Variants in DLGAP2 observed in about 807,000 individuals in gnomAD.
DLGAP2 encodes DLG associated protein 2.
In DLGAP2, 26 loss-of-function variants were observed where a neutral mutation model predicts 100.3. The ratio of observed to expected loss-of-function variants is 0.26; its 90% CI spans 0.19 to 0.36. The LOEUF (loss-of-function observed/expected upper bound fraction) is 0.36, where lower values mean the gene tolerates loss of function less well. Ranked by LOEUF, DLGAP2 falls within the 10% of genes least tolerant of loss-of-function variation. The pLI is 1.00. For synonymous variants in DLGAP2, 886 were observed against 630.1 expected (o/e 1.41, Z -6.08); for missense variants, 1,858 against 1,453.2 (o/e 1.28, Z -4.53).
intron 1 of DLGAP2, among the ~76,000 whole-genome samples, chr8:855,984 C>T (rs1435371021): frequency 6.6e-6 from 1 of 152,100 alleles, no homozygotes; most frequent in Admixed American, 6.5e-5. Context: ...CCGCAGAGAT[C>T]AGAAATGAGG....
intron 3 of DLGAP2, among the ~76,000 whole-genome samples, chr8:1,344,209 G>GTAAGTCCGTGTACTCGGGGCCCTGTCA (rs1563095232): frequency 6.7e-6 from 1 of 148,278 alleles, no homozygotes; most frequent in Admixed American, 6.8e-5. Flanking sequence ...GGGCCCTGTC[G>GTAAGTCCGTGTACTCGGGGCCCTGTCA]TGGGGCCTGT....
At chr8:1,176,108 C>T (rs1352117696) in intron 2 of DLGAP2, among the ~76,000 whole-genome samples, 1 of 152,196 alleles carries the variant, frequency 6.6e-6, no homozygotes, top group Non-Finnish European at 1.5e-5. Context: ...GTTTAACTGA[C>T]TCACAGTTCC....
chr8:1,359,537 G>A lies in DLGAP2; in HGVS notation c.106+100654G>A, dbSNP rs536287024. On this transcript the variant is annotated intron_variant, in intron 3 of 14. Transcript: ENST00000637795. ...GCAAGCTGGTTCGTGGGGACCACCC[G>A]AAGGCCTGGAGGGATTTGGGCTGAA... is the stretch of plus-strand genomic sequence containing the variant. 3.1e-4 allele frequency among the ~76,000 whole-genome samples: 47 copies of A among 152,378 alleles called. No individual in the cohort carries two copies. The South Asian group carries it at 8.7e-3, about 28-fold the overall frequency.
In DLGAP2 at chr8:1,127,244, T is replaced by C. The variant is rs911807706; in HGVS notation, c.74-131607T>C. On this transcript the variant is annotated intron_variant, in intron 2 of 14. Coordinates refer to ENST00000637795, the MANE Select transcript of DLGAP2 (RefSeq NM_001346810.2). ...TTGCTGTGGCCACACTTTGAGGAAT[T>C]GAAGATTTTTGTAGCTGGGCTCATT... Among the ~76,000 whole-genome samples, 14 of 151,604 alleles carry C rather than the reference T, an allele frequency of 9.2e-5. No individual in the cohort carries two copies. The Middle Eastern group carries it at 0.01, about 110-fold the overall frequency.
chr8:1,445,163 G>T (rs941947054), intron 3 of DLGAP2, among the ~76,000 whole-genome samples: 1 of 148,148 alleles, frequency 6.8e-6, no homozygotes, highest in Non-Finnish European at 1.5e-5. Flanking sequence ...ATGTATACAT[G>T]TGCCATGCTG....
chr8:1,566,874 C>G (rs1047116691), intron 6 of DLGAP2, among the ~76,000 whole-genome samples: 4 of 152,236 alleles, frequency 2.6e-5, no homozygotes, highest in Non-Finnish European at 5.9e-5. Flanking sequence ...AATCCGAACT[C>G]TATCATTGTT....
At chr8:745,047 C>T (rs979004423) in intron 1 of DLGAP2, among the ~76,000 whole-genome samples, 10 of 152,222 alleles carry the variant, frequency 6.6e-5, no homozygotes, top group African/African-American at 1.7e-4. Context: ...GTTGCATGAA[C>T]TCGTAAATAC....
intron 1 of DLGAP2, among the ~76,000 whole-genome samples, chr8:838,100 C>T (rs1033900996): frequency 1.3e-5 from 2 of 151,130 alleles, no homozygotes; most frequent in East Asian, 2.0e-4. Flanking sequence ...GTAGTGTGGA[C>T]GATGGTGGAA....
chr8:843,331 C>T (rs1224241781), intron 1 of DLGAP2, among the ~76,000 whole-genome samples: 1 of 152,244 alleles, frequency 6.6e-6, no homozygotes, highest in Non-Finnish European at 1.5e-5. Context: ...GTCCTATTAT[C>T]ATCTCAGGGT....
At chr8:799,397 T>G (rs1796101787) in intron 1 of DLGAP2, among the ~76,000 whole-genome samples, 1 of 151,822 alleles carries the variant, frequency 6.6e-6, no homozygotes, top group Non-Finnish European at 1.5e-5. Flanking sequence ...GGTGCCTGGG[T>G]GGGAGGTGGC....
intron 8 of DLGAP2, among the ~76,000 whole-genome samples, chr8:1,645,269 T>A (rs1002917420): frequency 6.6e-6 from 1 of 152,242 alleles, no homozygotes; most frequent in Non-Finnish European, 1.5e-5. Flanking sequence ...ATACTCTGAG[T>A]GCCCACACAA....
chr8:1,346,326 G>T (rs536894085), intron 3 of DLGAP2, among the ~76,000 whole-genome samples: 3 of 150,084 alleles, frequency 2.0e-5, no homozygotes, highest in African/African-American at 4.9e-5. Flanking sequence ...TGGAGGTTGC[G>T]TTCCCATACA....
chr8:750,049 C>A lies in DLGAP2; in HGVS notation c.18+12224C>A, dbSNP rs75816013. On this transcript the variant is annotated intron_variant, in intron 1 of 14. Coordinates refer to ENST00000637795, the MANE Select transcript of DLGAP2 (RefSeq NM_001346810.2). ...GCCCACTCAGAAAGCCCCGGGTTAT[C>A]CCCTCATCAAAGAGCCTTAGTTCAT... Among the ~76,000 whole-genome samples the A allele has an allele frequency of 5.7e-3, 867 of 152,372 alleles. 8 individuals are homozygous for A. Among genetic ancestry groups the A allele is most frequent in the African/African-American group, 0.02 (829 of 41,582 alleles).
chr8:1,413,686 A>C (rs1045464427), intron 3 of DLGAP2, among the ~76,000 whole-genome samples: 1 of 152,210 alleles, frequency 6.6e-6, no homozygotes, highest in Non-Finnish European at 1.5e-5. Context: ...CTTATCTTTG[A>C]TAAATGGTCT....
At chr8:1,431,463 CA>C in intron 3 of DLGAP2, among the ~76,000 whole-genome samples, 1 of 152,140 alleles carries the variant, frequency 6.6e-6, no homozygotes, top group Non-Finnish European at 1.5e-5. Flanking sequence ...TACCCGTGGG[CA>C]AAGGACAATG....
At chr8:1,123,564 C>T (rs1796097778) in intron 2 of DLGAP2, among the ~76,000 whole-genome samples, 1 of 152,150 alleles carries the variant, frequency 6.6e-6, no homozygotes, top group Non-Finnish European at 1.5e-5. Flanking sequence ...TGGTCTAAAA[C>T]CTGGAAAAGT....
chr8:1,287,547 G>GTGTA (rs1799962265), intron 3 of DLGAP2, among the ~76,000 whole-genome samples: 1 of 123,876 alleles, frequency 8.1e-6, no homozygotes, highest in Non-Finnish European at 1.6e-5. Flanking sequence ...GTGTGTGTAT[G>GTGTA]TGTGTGTGGT....
chr8:1,700,602 A>ATACT (rs35336366), intron 14 of DLGAP2, among the ~76,000 whole-genome samples: 11,153 of 152,274 alleles, frequency 0.073, 505 homozygotes, highest in African/African-American at 0.12. Flanking sequence ...AGGGTGAGAA[A>ATACT]TACTTGCGTC....
At chr8:1,372,742 C>T (rs1394025440) in intron 3 of DLGAP2, among the ~76,000 whole-genome samples, 1 of 152,166 alleles carries the variant, frequency 6.6e-6, no homozygotes, top group African/African-American at 2.4e-5. Flanking sequence ...GATATATTTC[C>T]AGTGTTTCAT....
Sources: allele counts gnomAD v4.1 joint callset (sites outside exome capture counted in the v4.1 genomes callset), GRCh38; gene constraint gnomAD v4.1.1; transcripts MANE v1.5; gene names NCBI Gene and HGNC (gene_info 2026-07-23, HGNC 2026-07-21).